The following ZSCAN25 variants were observed in gnomAD, a reference collection of about 807,000 sequenced individuals.
The protein encoded by ZSCAN25 is zinc finger and SCAN domain containing 25.
Under a neutral mutation model 38.7 loss-of-function variants are expected in ZSCAN25, and 27 were observed. That is an observed-to-expected ratio of 0.70 (90% CI 0.51 to 0.96). ZSCAN25 has a LOEUF of 0.96. Among genes scored for constraint, ZSCAN25 ranks in the 40% least tolerant of loss-of-function variants. The probability of loss-of-function intolerance (pLI) is 0.00; values close to 1 mark genes in which losing one functional copy is unlikely to be tolerated. For missense variants in ZSCAN25, 637 were observed against 705.9 expected, an observed-to-expected ratio of 0.90 and a Z score of 1.11; for synonymous variants, 273 against 277.7, an observed-to-expected ratio of 0.98 and a Z score of 0.17.
the ZSCAN25 span, chr7:99,735,008 T>C: frequency 2.5e-6 from 4 of 1,613,992 alleles, no homozygotes; most frequent in South Asian, 4.4e-5. Flanking sequence ...AAGAGGAGCC[T>C]GAACAGTTAC....
the ZSCAN25 span, among the ~76,000 whole-genome samples, chr7:99,691,274 C>T: frequency 6.6e-6 from 1 of 151,098 alleles, no homozygotes; most frequent in South Asian, 2.1e-4. Flanking sequence ...AGGGGAACAT[C>T]ACACTCCGGG....
At chr7:99,625,725 C>T (rs1807411965) in intron 7 of ZSCAN25, among the ~76,000 whole-genome samples, 1 of 152,114 alleles carries the variant, frequency 6.6e-6, no homozygotes. Flanking sequence ...AGGAGCCCCT[C>T]GCCCCCATTC....
chr7:99,622,996 C>T (rs540183492), intron 6 of ZSCAN25, among the ~76,000 whole-genome samples: 2 of 152,238 alleles, frequency 1.3e-5, no homozygotes, highest in African/African-American at 2.4e-5. Flanking sequence ...TTAGTAGAGA[C>T]GGGGTTTCAC....
chr7:99,722,441 A>C, the ZSCAN25 span: 5 of 1,495,420 alleles, frequency 3.3e-6, no homozygotes, highest in African/African-American at 1.4e-5. Context: ...ATCCAATGAA[A>C]TTAGACTTGC....
rs1273628428 is a variant in ZSCAN25 at position 99,621,776 on chromosome 7, T to C, written c.589+202T>C. On this transcript the variant is annotated intron_variant, in intron 5 of 7. Coordinates refer to ENST00000394152, the MANE Select transcript of ZSCAN25 (RefSeq NM_145115.3). ...TTTACCCTCTGGTGTCTGGAGGGGA[T>C]ATCTGGGATCATGCTTTCTTATTAT... is the stretch of plus-strand genomic sequence containing the variant. 4 of 406,934 alleles carry C rather than the reference T, an allele frequency of 9.8e-6. No homozygotes were observed. The East Asian group carries it at 1.5e-4, about 15-fold the overall frequency. 25.2% of individuals were successfully genotyped at this position (406,934 alleles called of 1,614,324 possible).
downstream of ZSCAN25, among the ~76,000 whole-genome samples, chr7:99,633,766 A>G (rs537667611): frequency 2.6e-5 from 4 of 152,316 alleles, no homozygotes; most frequent in South Asian, 4.1e-4. Flanking sequence ...GGTATTGATC[A>G]GTCTGCTGGA....
At chr7:99,672,613 C>A in the ZSCAN25 span, 36 of 1,614,094 alleles carry the variant, frequency 2.2e-5, no homozygotes, top group South Asian at 4.0e-4. Flanking sequence ...AACATTCTTT[C>A]ACTAGCACTG....
the ZSCAN25 span, among the ~76,000 whole-genome samples, chr7:99,728,596 C>T: frequency 2.5e-4 from 38 of 152,190 alleles, no homozygotes; most frequent in Non-Finnish European, 4.6e-4. Context: ...GGCTCCACCA[C>T]GTACATATGT....
chr7:99,632,967 T>C (rs1808103213), downstream of ZSCAN25, among the ~76,000 whole-genome samples: 6 of 152,092 alleles, frequency 3.9e-5, no homozygotes, highest in Admixed American at 3.9e-4. Context: ...TGGAGAGTTT[T>C]TTACATTCTG....
chr7:99,721,207 T>C, the ZSCAN25 span, among the ~76,000 whole-genome samples: 1 of 152,206 alleles, frequency 6.6e-6, no homozygotes, highest in Non-Finnish European at 1.5e-5. Context: ...AGCAGAAATG[T>C]ATAGACAAAG....
At chr7:99,726,332 C>G in the ZSCAN25 span, among the ~76,000 whole-genome samples, 1 of 152,308 alleles carries the variant, frequency 6.6e-6, no homozygotes, top group Admixed American at 6.5e-5. Context: ...CTTCTAAAGC[C>G]TACAAACTCT....
chr7:99,701,570 G>A, the ZSCAN25 span, among the ~76,000 whole-genome samples: 1 of 152,194 alleles, frequency 6.6e-6, no homozygotes, highest in East Asian at 1.9e-4. Flanking sequence ...CACCAACAGT[G>A]TACGAGAATT....
chr7:99,635,786 G>A (rs894306350), downstream of ZSCAN25, among the ~76,000 whole-genome samples: 3 of 152,184 alleles, frequency 2.0e-5, no homozygotes, highest in African/African-American at 7.2e-5. Context: ...GGTGGCTCAT[G>A]CCTGTAATCC....
the ZSCAN25 span, among the ~76,000 whole-genome samples, chr7:99,721,476 C>A: frequency 6.6e-6 from 1 of 152,086 alleles, no homozygotes; most frequent in Admixed American, 6.5e-5. Context: ...AGCACATATT[C>A]GAAGGGTCTG....
the ZSCAN25 span, among the ~76,000 whole-genome samples, chr7:99,642,516 C>T: frequency 6.6e-6 from 1 of 152,180 alleles, no homozygotes; most frequent in African/African-American, 2.4e-5. Flanking sequence ...AGAGACCCTA[C>T]AGGGAAACTG....
the ZSCAN25 span, among the ~76,000 whole-genome samples, chr7:99,736,951 T>A: frequency 6.6e-6 from 1 of 152,108 alleles, no homozygotes; most frequent in East Asian, 1.9e-4. Flanking sequence ...GGTATGCATG[T>A]GCTGTAACTC....
the ZSCAN25 span, chr7:99,671,952 G>A: frequency 2.7e-5 from 18 of 676,912 alleles, no homozygotes; most frequent in African/African-American, 2.5e-4. Context: ...TAAAACTGGT[G>A]AAATCTGAAA....
At chr7:99,652,038 G>A in the ZSCAN25 span, among the ~76,000 whole-genome samples, 1 of 152,098 alleles carries the variant, frequency 6.6e-6, no homozygotes, top group Admixed American at 6.5e-5. Context: ...GTGGAAGCAT[G>A]TTTTAAAGTT....
At chr7:99,706,366 G>A in the ZSCAN25 span, among the ~76,000 whole-genome samples, 1 of 152,150 alleles carries the variant, frequency 6.6e-6, no homozygotes, top group Non-Finnish European at 1.5e-5. Flanking sequence ...CCAGAGGACC[G>A]CCTTCTCTCA....
Sources: allele counts gnomAD v4.1 joint callset (sites outside exome capture counted in the v4.1 genomes callset), GRCh38; gene constraint gnomAD v4.1.1; transcripts MANE v1.5; gene names NCBI Gene and HGNC (gene_info 2026-07-23, HGNC 2026-07-21).